Variants in CTNNA3 observed in about 807,000 individuals in gnomAD.
CTNNA3 encodes catenin alpha 3.
CTNNA3 carries 76 observed loss-of-function variants against 95.7 expected under a neutral mutation model. That is an observed-to-expected ratio of 0.79 (90% CI 0.66 to 0.96). The LOEUF (loss-of-function observed/expected upper bound fraction) is 0.96. CTNNA3 is among the 40% of genes least tolerant of loss of function. CTNNA3 has a pLI of 0.00. For missense variants in CTNNA3, 1,191 were observed against 1,089.8 expected (o/e 1.09, Z -1.31); for synonymous variants, 431 against 374.4 (o/e 1.15, Z -1.74).
At chr10:66,634,513 C>T (rs1386111118) in intron 9 of CTNNA3, among the ~76,000 whole-genome samples, 1 of 150,852 alleles carries the variant, frequency 6.6e-6, no homozygotes, top group Non-Finnish European at 1.5e-5. Flanking sequence ...TCATACCAGC[C>T]AATATTGATC....
intron 5 of CTNNA3, among the ~76,000 whole-genome samples, chr10:67,465,809 T>C (rs1847568584): frequency 6.6e-6 from 1 of 152,148 alleles, no homozygotes; most frequent in Admixed American, 6.5e-5. Context: ...AAAAAATTAA[T>C]AATAACCACA....
intron 13 of CTNNA3, among the ~76,000 whole-genome samples, chr10:66,277,728 C>T (rs765031279): frequency 2.5e-4 from 38 of 152,132 alleles, no homozygotes; most frequent in Middle Eastern, 3.4e-3. Context: ...GAGATAGAGA[C>T]GATGACCCTC....
At chr10:66,063,391 C>G (rs2133579718) in intron 15 of CTNNA3, among the ~76,000 whole-genome samples, 1 of 150,558 alleles carries the variant, frequency 6.6e-6, no homozygotes, top group African/African-American at 2.4e-5. Context: ...AGTTGTCACT[C>G]CATGTTTGTC....
At position 65,994,691 on chromosome 10, in the gene CTNNA3, A is replaced by C. The variant is rs1396927703; in HGVS notation, c.2160-5894T>G. Reference sequence around the variant, plus strand: ...TTAAGCTTTCTGAATCTGGATGTTCATATCTCTCCTAAGACTTTTAAGTTT... The same window carrying C: ...TTAAGCTTTCTGAATCTGGATGTTCCTATCTCTCCTAAGACTTTTAAGTTT... On this transcript the variant is annotated intron_variant, in intron 15 of 17. Coordinates refer to ENST00000433211, the MANE Select transcript of CTNNA3 (RefSeq NM_013266.4). Among the ~76,000 whole-genome samples, 4 of 152,114 alleles carry C rather than the reference A, an allele frequency of 2.6e-5. 1 individual carries two copies. The highest frequency in any genetic ancestry group is 2.1e-4 in the South Asian group (1 of 4,828).
At chr10:66,396,510 A>C (rs2132545741) in intron 11 of CTNNA3, among the ~76,000 whole-genome samples, 1 of 152,140 alleles carries the variant, frequency 6.6e-6, no homozygotes, top group South Asian at 2.1e-4. Context: ...TGAAAGTGAC[A>C]CCTTAGGCTT....
At chr10:66,443,376 C>A (rs2093390217) in intron 11 of CTNNA3, among the ~76,000 whole-genome samples, 2 of 152,140 alleles carry the variant, frequency 1.3e-5, no homozygotes, top group Non-Finnish European at 2.9e-5. Flanking sequence ...GGGTGTCTGA[C>A]CCCCGAGCAG....
At chr10:66,779,631 G>A (rs779044533) in intron 7 of CTNNA3, among the ~76,000 whole-genome samples, 3 of 152,162 alleles carry the variant, frequency 2.0e-5, no homozygotes, top group Non-Finnish European at 2.9e-5. Context: ...CCAGTGCTGG[G>A]ATTACAGGCA....
intron 1 of CTNNA3, among the ~76,000 whole-genome samples, chr10:67,721,139 G>A (rs1249412608): frequency 6.6e-6 from 1 of 151,842 alleles, no homozygotes; most frequent in Non-Finnish European, 1.5e-5. Flanking sequence ...TGTGTCTTAG[G>A]GTTGCTCTTC....
At chr10:67,503,937 C>T (rs945962159) in intron 5 of CTNNA3, among the ~76,000 whole-genome samples, 10 of 152,218 alleles carry the variant, frequency 6.6e-5, no homozygotes, top group Non-Finnish European at 1.2e-4. Flanking sequence ...GCGGGCGGAT[C>T]ACAAGGTCAG....
intron 13 of CTNNA3, among the ~76,000 whole-genome samples, chr10:66,199,791 A>ATG (rs2087235493): frequency 8.1e-5 from 1 of 12,342 alleles, no homozygotes; most frequent in Admixed American, 1.1e-3. Flanking sequence ...ATATATATAT[A>ATG]TATATATATA....
At chr10:67,671,688 C>T (rs1227314434) in intron 1 of CTNNA3, among the ~76,000 whole-genome samples, 3 of 151,726 alleles carry the variant, frequency 2.0e-5, no homozygotes, top group Non-Finnish European at 4.4e-5. Context: ...AGGACATGAA[C>T]TCATCATTTT....
At chr10:67,573,743 T>C (rs1445546800) in intron 3 of CTNNA3, among the ~76,000 whole-genome samples, 3 of 147,714 alleles carry the variant, frequency 2.0e-5, no homozygotes, top group African/African-American at 7.4e-5. Context: ...CTTCCCTCTC[T>C]CCTTCCCTCC....
At chr10:66,384,133 T>A (rs1440604296) in intron 11 of CTNNA3, among the ~76,000 whole-genome samples, 3 of 152,086 alleles carry the variant, frequency 2.0e-5, no homozygotes, top group Admixed American at 2.0e-4. Context: ...AATACCCCAA[T>A]TAAAAGACAC....
At chr10:66,107,048 CA>C (rs1424952473) in intron 13 of CTNNA3, among the ~76,000 whole-genome samples, 1 of 152,152 alleles carries the variant, frequency 6.6e-6, no homozygotes, top group Non-Finnish European at 1.5e-5. Flanking sequence ...TCATGTCTAA[CA>C]GCGAAATTAT....
intron 7 of CTNNA3, among the ~76,000 whole-genome samples, chr10:66,988,252 C>G (rs1850845575): frequency 6.6e-6 from 1 of 152,096 alleles, no homozygotes; most frequent in Admixed American, 6.6e-5. Flanking sequence ...CTCACAGGAT[C>G]ATTGAGGTAG....
chr10:66,291,520 A>C (rs1324918086), intron 12 of CTNNA3, among the ~76,000 whole-genome samples: 1 of 152,146 alleles, frequency 6.6e-6, no homozygotes, highest in Non-Finnish European at 1.5e-5. Flanking sequence ...TTGTTGCTAA[A>C]AGAACCATGA....
Position 67,559,192 on chromosome 10 carries a change from G to A in CTNNA3, c.293-19523C>T, listed in dbSNP as rs541745901. On this transcript the variant is annotated intron_variant, in intron 3 of 17. Coordinates refer to ENST00000433211, the MANE Select transcript of CTNNA3 (RefSeq NM_013266.4). ...GAACAGGCAGACTGCCTCCTCAAGT[G>A]GGTCTCTGACTCCTCACCCCCGAGC... 3.3e-4 allele frequency among the ~76,000 whole-genome samples: 51 copies of A among 152,342 alleles called. 1 individual carries two copies. Among genetic ancestry groups the A allele is most frequent in the Admixed American group, 2.1e-3 (32 of 15,298 alleles).
chr10:67,619,786 C>A (rs1360561342), intron 2 of CTNNA3, among the ~76,000 whole-genome samples: 1 of 152,122 alleles, frequency 6.6e-6, no homozygotes, highest in African/African-American at 2.4e-5. Flanking sequence ...ATTTTTATTC[C>A]ATTTATCTTC....
chr10:66,190,149 C>T (rs2086592107), intron 13 of CTNNA3, among the ~76,000 whole-genome samples: 1 of 151,880 alleles, frequency 6.6e-6, no homozygotes, highest in Non-Finnish European at 1.5e-5. Context: ...AAAGCCAAAA[C>T]AAAGAAAGAA....
Sources: allele counts gnomAD v4.1 joint callset (sites outside exome capture counted in the v4.1 genomes callset), GRCh38; gene constraint gnomAD v4.1.1; transcripts MANE v1.5; gene names NCBI Gene and HGNC (gene_info 2026-07-23, HGNC 2026-07-21).